CELF2: variants seen among roughly 807,000 people sequenced by gnomAD.
CELF2 encodes CUG triplet repeat RNA-binding protein 2.
A neutral mutation model predicts 62.6 loss-of-function variants in CELF2; 8 were observed. The ratio of observed to expected loss-of-function variants is 0.13; its 90% CI spans 0.07 to 0.23. CELF2 has a LOEUF of 0.23. CELF2 is among the 10% of genes least tolerant of loss of function. The pLI is 1.00. For missense variants in CELF2, 333 were observed against 671.0 expected, an observed-to-expected ratio of 0.50 and a Z score of 5.56; for synonymous variants, 258 against 250.0, an observed-to-expected ratio of 1.03 and a Z score of -0.30.
At chr10:10,482,238 A>G in the CELF2 span, among the ~76,000 whole-genome samples, 2 of 152,226 alleles carry the variant, frequency 1.3e-5, no homozygotes, top group African/African-American at 4.8e-5. Flanking sequence ...TGCATATGGT[A>G]TGTTTTTTGC....
chr10:10,970,620 G>A (rs1026512572), intron 2 of CELF2: 1 of 152,140 alleles, frequency 6.6e-6, no homozygotes, highest in African/African-American at 2.4e-5. Context: ...CCAAAGCACT[G>A]ATTATTTCAC....
At chr10:11,005,286 GAGAGA>G (rs2055023260), upstream of CELF2, 9 of 1,594,082 alleles carry the variant, frequency 5.6e-6, no homozygotes, top group African/African-American at 1.4e-5. This position sits in a 1 kb window ranked among gnomAD's most constrained non-coding sequence, Gnocchi z 4.3. Context: ...GAGAGAGAGA[GAGAGA>G]GAGGGAGGAG....
rs2096050986 is a variant in CELF2, at chr10:11,332,672, C to CAGCACCCTGTT, written c.*3622_*3632dup. On this transcript the variant is annotated 3_prime_UTR_variant, in exon 13 of 13. Transcript: ENST00000633077. The stretch of plus-strand genomic sequence containing the variant: ...TTGGCCTCAGCTCCCCTTCCCCGCT[C>CAGCACCCTGTT]AGCACCCTGTTAGGATCAGTGTGTG... 6.5e-6 allele frequency: 1 copy of CAGCACCCTGTT among 152,816 alleles called. No homozygotes were observed. The highest frequency in any genetic ancestry group is 2.4e-5 in the African/African-American group (1 of 41,456). 9.5% of individuals were successfully genotyped at this position (152,816 alleles called of 1,614,324 possible). A position where few individuals can be genotyped will look rare whatever the true frequency, so the allele number is the denominator to read the frequency against.
the CELF2 span, chr10:10,776,754 G>A: frequency 6.5e-6 from 1 of 153,742 alleles, no homozygotes; most frequent in African/African-American, 2.4e-5. Context: ...TGGCCTTCTA[G>A]CCCTCAGCTT....
chr10:10,596,703 C>G, the CELF2 span, among the ~76,000 whole-genome samples: 1 of 152,252 alleles, frequency 6.6e-6, no homozygotes, highest in South Asian at 2.1e-4. Context: ...TCCTCTTGTC[C>G]TTCACCCATT....
At chr10:10,570,647 TTGCCACAATGTAAGA>T in the CELF2 span, among the ~76,000 whole-genome samples, 2 of 152,088 alleles carry the variant, frequency 1.3e-5, no homozygotes, top group Non-Finnish European at 2.9e-5. Context: ...ATGTATATAT[TTGCCACAATGTAAGA>T]TGCCACAATA....
chr10:10,477,918 T>C, the CELF2 span, among the ~76,000 whole-genome samples: 1 of 152,152 alleles, frequency 6.6e-6, no homozygotes, highest in Non-Finnish European at 1.5e-5. Flanking sequence ...CCTCATATAA[T>C]GGGGCAGTTT....
the CELF2 span, among the ~76,000 whole-genome samples, chr10:10,681,104 T>C: frequency 6.6e-6 from 1 of 152,186 alleles, no homozygotes; most frequent in African/African-American, 2.4e-5. Context: ...GAATAAAGTC[T>C]TATCAGATGA....
At chr10:10,905,721 C>CA (rs1027077798) in intron 1 of CELF2, among the ~76,000 whole-genome samples, 2 of 151,556 alleles carry the variant, frequency 1.3e-5, no homozygotes, top group Admixed American at 6.6e-5. Context: ...ACTAAAAATA[C>CA]AAAAAAATTA....
At chr10:10,949,813 A>AACAC (rs1169851691) in intron 2 of CELF2, among the ~76,000 whole-genome samples, 3 of 141,968 alleles carry the variant, frequency 2.1e-5, no homozygotes. Flanking sequence ...AACAAAACGA[A>AACAC]ACACACACAC....
chr10:10,729,620 C>CA, the CELF2 span, among the ~76,000 whole-genome samples: 614 of 150,778 alleles, frequency 4.1e-3, 4 homozygotes, highest in African/African-American at 0.014. Context: ...AACAAACAAA[C>CA]AAAAAAAAAT....
Position 10,972,791 on chromosome 10 carries a change from C to T in CELF2, c.89+52792C>T, listed in dbSNP as rs2050893638. On this transcript the variant is annotated intron_variant, in intron 2 of 13. Transcript: ENST00000636488. The surrounding 1 kb of genome is among the most constrained non-coding windows in gnomAD (Gnocchi z 4.4). ...TTTGATCTGTTCCTATTCTGAAATACACAATATCCATGAGTGGCCCTCAGA... is the reference window on the plus strand; with the variant it reads ...TTTGATCTGTTCCTATTCTGAAATATACAATATCCATGAGTGGCCCTCAGA... Among the ~76,000 whole-genome samples the T allele has an allele frequency of 6.6e-6, 1 of 152,170 alleles. No homozygotes were observed. Among genetic ancestry groups the T allele is most frequent in the Non-Finnish European group, 1.5e-5 (1 of 68,036 alleles).
chr10:10,865,438 C>G (rs1428096381), intron 1 of CELF2, among the ~76,000 whole-genome samples: 2 of 152,156 alleles, frequency 1.3e-5, no homozygotes, highest in African/African-American at 4.8e-5. Flanking sequence ...TAAAAAGAGA[C>G]CAAGCTAATA....
Position 10,919,277 on chromosome 10 carries a change from A to G in CELF2, c.54-687A>G, listed in dbSNP as rs537343190. Among the ~76,000 whole-genome samples, 364 of 152,170 alleles carry G rather than the reference A, an allele frequency of 2.4e-3. 4 individuals are homozygous for G. Among genetic ancestry groups the G allele is most frequent in the African/African-American group, 8.5e-3 (352 of 41,544 alleles). ...AGAGAGATACTCTGTCTGAAAAAAA[A>G]AAAGAAAGAAAGAAAACGAAAGACA... On this transcript the variant is annotated intron_variant, in intron 1 of 13. Coordinates refer to the CELF2 transcript ENST00000636488.
chr10:11,316,465 G>T lies in CELF2; in HGVS notation c.1096+2207G>T, dbSNP rs144881620. Among the ~76,000 whole-genome samples the T allele has an allele frequency of 5.9e-3, 893 of 152,322 alleles. 3 individuals are homozygous for T. The highest frequency in any genetic ancestry group is 1.0e-2 in the Non-Finnish European group (679 of 68,028). On this transcript the variant is annotated intron_variant, in intron 10 of 12. Transcript: ENST00000633077. This position sits in a 1 kb window ranked among gnomAD's most constrained non-coding sequence, Gnocchi z 4.4. ...TCAACAGAAAACCTTCCAAGATAGA[G>T]TATCTTCTTTCAGACCATTCCTTCT...
chr10:10,905,332 G>A (rs1349135335), intron 1 of CELF2, among the ~76,000 whole-genome samples: 1 of 152,140 alleles, frequency 6.6e-6, no homozygotes, highest in Non-Finnish European at 1.5e-5. Context: ...GTCACTCATT[G>A]TCTTTCCTAG....
intron 8 of CELF2, among the ~76,000 whole-genome samples, chr10:11,279,421 T>C (rs1179759540): frequency 1.3e-5 from 2 of 152,134 alleles, no homozygotes; most frequent in African/African-American, 4.8e-5. Flanking sequence ...GCAAAAACAG[T>C]GTATCGGAGG....
rs1464324124 is a variant in CELF2, at chr10:10,972,296, A to G, written c.89+52297A>G. ...AGTTCTGTGGTTAAATGATTTTAGG[A>G]AGCTCTACATATCATCATCCCCTGT... On this transcript the variant is annotated intron_variant, in intron 2 of 13. Coordinates refer to the CELF2 transcript ENST00000636488. This position sits in a 1 kb window ranked among gnomAD's most constrained non-coding sequence, Gnocchi z 4.4. Among the ~76,000 whole-genome samples, 4 of 152,214 alleles carry G rather than the reference A, an allele frequency of 2.6e-5. No individual in the cohort carries two copies. Among genetic ancestry groups the G allele is most frequent in the African/African-American group, 9.7e-5 (4 of 41,450 alleles).
the CELF2 span, among the ~76,000 whole-genome samples, chr10:10,500,630 T>C: frequency 1.3e-5 from 2 of 152,230 alleles, no homozygotes; most frequent in African/African-American, 2.4e-5. Context: ...TTTTTCCTTA[T>C]AAATTGCCCA....
Sources: allele counts gnomAD v4.1 joint callset (sites outside exome capture counted in the v4.1 genomes callset), GRCh38; gene constraint gnomAD v4.1.1; non-coding constraint Gnocchi (gnomAD v3.1); transcripts MANE v1.5; gene names NCBI Gene and HGNC (gene_info 2026-07-23, HGNC 2026-07-21).